Variants in SUV39H2 observed in about 807,000 individuals in gnomAD.
The protein encoded by SUV39H2 is SUV39H2 histone lysine methyltransferase.
SUV39H2 carries 10 observed loss-of-function variants against 47.5 expected under a neutral mutation model. The observed-to-expected ratio is 0.21, with a 90% CI of 0.13 to 0.36. SUV39H2 has a LOEUF of 0.36. Ranked by LOEUF, SUV39H2 falls within the 10% of genes least tolerant of loss-of-function variation. The pLI, the probability that SUV39H2 is intolerant of heterozygous loss-of-function variation, is 1.00. For synonymous variants in SUV39H2, 159 were observed against 166.8 expected (o/e 0.95, Z 0.36); for missense variants, 266 against 487.4 (o/e 0.55, Z 4.28).
Position 14,902,461 on chromosome 10 carries a change from C to A in SUV39H2, c.1182C>A (p.Val394=). ...ACCACAGCCCAGCCAAAAAGAGGGTCAGAACAGTATGTAAATGTGGAGCTG... is the reference window on the plus strand; with the variant it reads ...ACCACAGCCCAGCCAAAAAGAGGGTAAGAACAGTATGTAAATGTGGAGCTG... ...SIDHSPAKKR[V]RTVCKCGAVT... The change falls in exon 6 of 6, where the codon GTC becomes GTA. Residue 394 remains valine (V), a synonymous_variant. Coordinates refer to ENST00000354919, the MANE Select transcript of SUV39H2 (RefSeq NM_001193424.2). The A allele has an allele frequency of 6.2e-7, 1 of 1,609,646 alleles. No individual in the cohort carries two copies.
intron 2 of SUV39H2, among the ~76,000 whole-genome samples, chr10:14,887,636 C>T (rs1304495279): frequency 6.6e-6 from 1 of 152,186 alleles, no homozygotes; most frequent in South Asian, 2.1e-4. Context: ...GTTTCCTGTT[C>T]ATGAACTCAG....
At chr10:14,882,243 G>T (rs938237681) in intron 2 of SUV39H2, among the ~76,000 whole-genome samples, 1 of 152,162 alleles carries the variant, frequency 6.6e-6, no homozygotes, top group Admixed American at 6.5e-5. Flanking sequence ...GTATATTTTT[G>T]AGTAATTCAT....
rs879463967 is a variant in SUV39H2 at position 14,903,961 on chromosome 10, A to G, written c.*1449A>G. The stretch of plus-strand genomic sequence containing the variant: ...ACTTCACTCTTTCATAATATATAGG[A>G]TAAATTGTTTACATGATTGGACCCT... On this transcript the variant is annotated 3_prime_UTR_variant, in exon 6 of 6. Coordinates refer to ENST00000354919, the MANE Select transcript of SUV39H2 (RefSeq NM_001193424.2). 5.3e-5 allele frequency: 8 copies of G among 152,162 alleles called. No individual in the cohort carries two copies. Among genetic ancestry groups the G allele is most frequent in the Admixed American group, 1.3e-4 (2 of 15,280 alleles). The allele number at this position is 152,162 out of a possible 1,614,324, so 9.4% of individuals were successfully genotyped here.
chr10:14,901,355 T>G, intron 5 of SUV39H2, 93 bp downstream of exon 5: 1 of 1,516,594 alleles, frequency 6.6e-7, no homozygotes, highest in Non-Finnish European at 9.0e-7. Flanking sequence ...GAACCAAACC[T>G]AATACTAAAG....
At chr10:14,889,244 A>G (rs1448070757) in intron 2 of SUV39H2, among the ~76,000 whole-genome samples, 1 of 152,186 alleles carries the variant, frequency 6.6e-6, no homozygotes, top group Admixed American at 6.5e-5. Context: ...AGTTTTTTTG[A>G]AAAGACCATT....
At chr10:14,880,362 T>C (rs1833007082) in intron 1 of SUV39H2, among the ~76,000 whole-genome samples, 1 of 152,216 alleles carries the variant, frequency 6.6e-6, no homozygotes, top group Admixed American at 6.5e-5. Context: ...GTGTTCTCCC[T>C]TCCCTGAAAT....
chr10:14,895,636 G>C (rs1380262329), intron 2 of SUV39H2, among the ~76,000 whole-genome samples: 1 of 152,160 alleles, frequency 6.6e-6, no homozygotes, highest in African/African-American at 2.4e-5. Context: ...GTTGCTCTTA[G>C]GTGGCTTGAG....
intron 2 of SUV39H2, among the ~76,000 whole-genome samples, chr10:14,890,211 T>C (rs982201328): frequency 6.6e-6 from 1 of 152,196 alleles, no homozygotes; most frequent in Non-Finnish European, 1.5e-5. Flanking sequence ...ATCAGGAAAT[T>C]ACAGCTCTAA....
rs1834100807 is a variant in SUV39H2, at chr10:14,902,609, A to G, written c.*97A>G. 5.4e-6 allele frequency: 4 copies of G among 739,572 alleles called. No homozygotes were observed. Among genetic ancestry groups the G allele is most frequent in the Non-Finnish European group, 6.2e-6 (3 of 482,022 alleles). The allele number at this position is 739,572 out of a possible 1,614,324, so 45.8% of individuals were successfully genotyped here. ...TTGGGACTCTTATTATCAAGGTTCT[A>G]CCTATGTTAATTTACAATTCATGTT... On this transcript the variant is annotated 3_prime_UTR_variant, in exon 6 of 6. Coordinates refer to ENST00000354919, the MANE Select transcript of SUV39H2 (RefSeq NM_001193424.2).
chr10:14,898,578 T>A (rs1833768357), intron 3 of SUV39H2: 1 of 152,228 alleles, frequency 6.6e-6, no homozygotes, highest in South Asian at 2.1e-4. Context: ...CAAGATCTTG[T>A]ATAATCAAAT....
intron 2 of SUV39H2, among the ~76,000 whole-genome samples, chr10:14,886,833 C>T (rs1171612319): frequency 6.6e-6 from 1 of 151,906 alleles, no homozygotes; most frequent in Non-Finnish European, 1.5e-5. Flanking sequence ...TGGCAAACAT[C>T]GTTAGAAGAT....
chr10:14,892,816 CT>C (rs543122499), intron 2 of SUV39H2, among the ~76,000 whole-genome samples: 22,318 of 139,352 alleles, frequency 0.16, 1,686 homozygotes, highest in South Asian at 0.26. Flanking sequence ...GGGGAAATGT[CT>C]TTTTTTTTTT....
intron 4 of SUV39H2, 22 bp from the exon 5 acceptor site, chr10:14,901,111 G>A (rs1299407499): frequency 3.1e-6 from 5 of 1,612,238 alleles, no homozygotes; most frequent in Non-Finnish European, 4.2e-6. Flanking sequence ...GTACTTAAAT[G>A]GGTTCTAATG....
At chr10:14,887,659 G>T (rs772386154) in intron 2 of SUV39H2, among the ~76,000 whole-genome samples, 13 of 152,136 alleles carry the variant, frequency 8.5e-5, no homozygotes, top group Non-Finnish European at 1.6e-4. Context: ...AATATTTACT[G>T]GCCATCTACC....
At chr10:14,882,264 C>T (rs1320530053) in intron 2 of SUV39H2, among the ~76,000 whole-genome samples, 1 of 152,170 alleles carries the variant, frequency 6.6e-6, no homozygotes, top group African/African-American at 2.4e-5. Flanking sequence ...CTGTCTATAG[C>T]CTACCTCACT....
Position 14,878,888 on chromosome 10 carries a change from G to A in SUV39H2, c.-1G>A, listed in dbSNP as rs1564331802. ...GCCAGTTTGAATGAAAGCTCTACAA[G>A]ATGGCGGCGGTCGGGGCCGAGGCGC... is the stretch of plus-strand genomic sequence containing the variant. On this transcript the variant is annotated 5_prime_UTR_variant, in exon 1 of 6. Coordinates refer to ENST00000354919, the MANE Select transcript of SUV39H2 (RefSeq NM_001193424.2). 1 of 1,488,552 alleles carries A rather than the reference G, an allele frequency of 6.7e-7. No homozygotes were observed. The highest frequency in any genetic ancestry group is 8.9e-7 in the Non-Finnish European group (1 of 1,118,500). The allele number at this position is 1,488,552 out of a possible 1,614,324, so 92.2% of individuals were successfully genotyped here.
intron 2 of SUV39H2, among the ~76,000 whole-genome samples, chr10:14,892,926 TCTC>T (rs750766752): frequency 2.7e-4 from 41 of 151,304 alleles, no homozygotes; most frequent in African/African-American, 8.5e-4. Context: ...TTCAAGCAGT[TCTC>T]CTGCCTCAGC....
chr10:14,892,364 T>C (rs1483955605), intron 2 of SUV39H2, among the ~76,000 whole-genome samples: 1 of 152,082 alleles, frequency 6.6e-6, no homozygotes, highest in Non-Finnish European at 1.5e-5. Context: ...AAGTGAGTGT[T>C]ATGGTTGTTT....
intron 2 of SUV39H2, among the ~76,000 whole-genome samples, chr10:14,894,355 G>GTTTTTT (rs35812740): frequency 6.9e-5 from 4 of 58,088 alleles, no homozygotes; most frequent in South Asian, 7.6e-4. Context: ...AGAAAGCAAA[G>GTTTTTT]TTTTTTTTTT....
Sources: gnomAD v4.1 joint callset for allele counts (sites outside exome capture counted in the v4.1 genomes callset) on GRCh38, gnomAD v4.1.1 for gene constraint, MANE v1.5 for transcripts, NCBI Gene and HGNC (gene_info 2026-07-23, HGNC 2026-07-21) for gene names.